Variants in TARS1 observed in about 807,000 individuals in gnomAD.
The protein encoded by TARS1 is threonine--tRNA ligase 1, cytoplasmic.
TARS1 carries 57 observed loss-of-function variants against 97.7 expected under a neutral mutation model. The observed-to-expected ratio is 0.58, with a 90% CI of 0.47 to 0.73. The LOEUF (loss-of-function observed/expected upper bound fraction) is 0.73, where lower values mean the gene tolerates loss of function less well. Among genes scored for constraint, TARS1 ranks in the 30% least tolerant of loss-of-function variants. The pLI is 0.00. For synonymous variants in TARS1, 312 were observed against 293.7 expected (o/e 1.06, Z -0.64); for missense variants, 806 against 888.3 (o/e 0.91, Z 1.18).
Position 33,448,638 on chromosome 5 carries a change from A to G in TARS1, c.236A>G (p.Asp79Gly). ...ATTCTGGCAGAAAAGGCAGAAAAAG[A>G]TAGCAAGCCAATTAAAGTCACTTTG... ...DSILAEKAEK[D>G]SKPIKVTLPD... Residue 79 changes from aspartate to glycine, a missense_variant, in exon 3 of 19, where the codon GAT becomes GGT. Asp to Gly is a moderately conservative substitution (Grantham distance 94, BLOSUM62 -1). Coordinates refer to ENST00000265112, the MANE Select transcript of TARS1 (RefSeq NM_152295.5). 2 of 1,613,980 alleles carry G rather than the reference A, an allele frequency of 1.2e-6. No individual in the cohort carries two copies. Among genetic ancestry groups the G allele is most frequent in the Middle Eastern group, 1.7e-4 (1 of 6,058 alleles).
chr5:33,467,682 A>G lies in TARS1; in HGVS notation c.2146A>G (p.Ser716Gly). Residue 716 changes from serine (S) to glycine (G), a missense_variant, in exon 19 of 19, where the codon AGC becomes GGC. Physicochemically the swap from Ser to Gly is moderately conservative, Grantham distance 56. This residue lies in a region of TARS1 where 446 missense variants were observed against 511.0 expected (regional missense o/e 0.87). Transcript: ENST00000265112. ...ERLQQLKEFR[S>G]KQAEEEF The stretch of plus-strand genomic sequence containing the variant: ...GCTACAGCAGCTCAAAGAGTTCCGC[A>G]GCAAACAGGCAGAAGAAGAATTTTA... The G allele has an allele frequency of 6.2e-7, 1 of 1,613,218 alleles. No individual in the cohort carries two copies. The highest frequency in any genetic ancestry group is 8.5e-7 in the Non-Finnish European group (1 of 1,179,722).
intron 2 of TARS1, among the ~76,000 whole-genome samples, chr5:33,445,784 T>C (rs1038919963): frequency 1.3e-5 from 2 of 152,210 alleles, no homozygotes; most frequent in Non-Finnish European, 2.9e-5. Context: ...TTACACTGAA[T>C]ACAATGAAAA....
At chr5:33,453,468 C>A in intron 4 of TARS1, 56 bp downstream of exon 4, 2 of 1,603,522 alleles carry the variant, frequency 1.2e-6, no homozygotes, top group Non-Finnish European at 1.7e-6. Context: ...CATTTGAAGT[C>A]TTTTCCAGCT....
intron 2 of TARS1, among the ~76,000 whole-genome samples, chr5:33,448,039 C>A (rs1031143636): frequency 6.6e-6 from 1 of 152,192 alleles, no homozygotes; most frequent in Non-Finnish European, 1.5e-5. Flanking sequence ...TAATTACATA[C>A]TCCAAGCTGA....
chr5:33,460,024 C>A, intron 11 of TARS1, 163 bp downstream of exon 11: 1 of 662,936 alleles, frequency 1.5e-6, no homozygotes, highest in Non-Finnish European at 2.3e-6. Context: ...TGATTAGATC[C>A]CCACTTTTTT....
At chr5:33,445,947 A>G (rs1017179455) in intron 2 of TARS1, 18 of 154,026 alleles carry the variant, frequency 1.2e-4, no homozygotes, top group African/African-American at 4.3e-4. Flanking sequence ...AGGAACTGGC[A>G]TATCAAAAGC....
Position 33,440,988 on chromosome 5 carries a change from AG to A in TARS1, c.-97del, listed in dbSNP as rs1368879304. 1.5e-5 allele frequency: 22 copies of A among 1,497,406 alleles called. No individual in the cohort carries two copies. The highest frequency in any genetic ancestry group is 2.0e-5 in the Non-Finnish European group (22 of 1,084,366). 92.8% of individuals were successfully genotyped at this position (1,497,406 alleles called of 1,614,324 possible). ...TCGATTGCATCAGCTGGTCCAGCCG[AG>A]GCCAAGTCCCGGGCGCTAGCCCACC... On this transcript the variant is annotated 5_prime_UTR_variant, in exon 1 of 19. Transcript: ENST00000265112.
At chr5:33,456,335 G>A (rs1209792739) in intron 8 of TARS1, 108 bp downstream of exon 8, 1 of 904,534 alleles carries the variant, frequency 1.1e-6, no homozygotes, top group African/African-American at 1.7e-5. Context: ...TGAAAGGATG[G>A]TATTTTCTCA....
intron 1 of TARS1, among the ~76,000 whole-genome samples, chr5:33,442,320 C>CTTTTTTTTTTT (rs763508345): frequency 9.6e-5 from 10 of 104,596 alleles, no homozygotes; most frequent in South Asian, 3.4e-4. Context: ...TGTTTTGTAA[C>CTTTTTTTTTTT]TTTTTTTTTT....
chr5:33,466,391 TA>T (rs1030487562), intron 17 of TARS1, among the ~76,000 whole-genome samples: 28 of 149,336 alleles, frequency 1.9e-4, no homozygotes, highest in Non-Finnish European at 3.1e-4. Flanking sequence ...ATAACCTGAT[TA>T]AAAAAAAAAA....
rs1210129342 is a variant in TARS1 at position 33,461,925 on chromosome 5, A to G, written c.1649A>G (p.Asp550Gly). 1.2e-6 allele frequency: 2 copies of G among 1,613,858 alleles called. No individual in the cohort carries two copies. Among genetic ancestry groups the G allele is most frequent in the South Asian group, 1.1e-5 (1 of 91,088 alleles). ...TCTTAGATTGACATACAGATTAAAG[A>G]TGCGATTGGGCGGTACCACCAGTGT... Reference protein sequence around the residue: ...YGPKIDIQIKDAIGRYHQCAT... With the variant: ...YGPKIDIQIKGAIGRYHQCAT... Residue 550 changes from aspartate (D) to glycine (G), a missense_variant, in exon 15 of 19, where the codon GAT (aspartate) becomes GGT (glycine). Asp to Gly is a moderately conservative substitution (Grantham distance 94, BLOSUM62 -1). Coordinates refer to ENST00000265112, the MANE Select transcript of TARS1 (RefSeq NM_152295.5).
intron 14 of TARS1, 60 bp downstream of exon 14, chr5:33,461,804 C>G (rs1742306013): frequency 6.3e-7 from 1 of 1,595,140 alleles, no homozygotes; most frequent in Non-Finnish European, 8.6e-7. Context: ...GAAGATACGA[C>G]TTCGAAAAAA....
chr5:33,465,566 G>A (rs150444528), intron 17 of TARS1, among the ~76,000 whole-genome samples: 13 of 152,174 alleles, frequency 8.5e-5, no homozygotes, highest in African/African-American at 3.1e-4. Context: ...TGAAGATGTA[G>A]ACCTATCTTG....
rs1376684410 is a variant in TARS1, at chr5:33,453,367, T to C, written c.408T>C (p.Asp136=). 1.9e-6 allele frequency: 3 copies of C among 1,613,412 alleles called. No individual in the cohort carries two copies. Among genetic ancestry groups the C allele is most frequent in the Admixed American group, 1.7e-5 (1 of 59,916 alleles). Residue 136 remains aspartate, a synonymous_variant, in exon 4 of 19, where the codon GAT becomes GAC. Coordinates refer to ENST00000265112, the MANE Select transcript of TARS1 (RefSeq NM_152295.5). ...ACCTGGACCGCCCTCTGGAAGAAGA[T>C]TGTACCTTGGAGCTTCTCAAGTTTG... is the stretch of plus-strand genomic sequence containing the variant. ...VWDLDRPLEE[D]CTLELLKFED...
At chr5:33,443,435 C>T (rs1347020358) in intron 1 of TARS1, among the ~76,000 whole-genome samples, 3 of 147,666 alleles carry the variant, frequency 2.0e-5, no homozygotes, top group Non-Finnish European at 3.0e-5. Flanking sequence ...ATTTTATCAT[C>T]TTTCCATTTT....
At chr5:33,440,725 G>C (rs952475656), upstream of TARS1, 6 of 445,514 alleles carry the variant, frequency 1.3e-5, no homozygotes, top group Non-Finnish European at 2.4e-5. Flanking sequence ...TCAGAAGGGA[G>C]GAAAGGCGCA....
At chr5:33,460,762 G>A (rs1170777904) in intron 11 of TARS1, 140 bp from the exon 12 acceptor site, 16 of 953,366 alleles carry the variant, frequency 1.7e-5, no homozygotes, top group East Asian at 2.6e-5. Context: ...ACTGCTGTAT[G>A]TAGCCCAGAA....
Position 33,448,673 on chromosome 5 carries a change from A to G in TARS1, c.271A>G (p.Lys91Glu). ...KPIKVTLPDG[K>E]QVDAESWKTT... The stretch of plus-strand genomic sequence containing the variant: ...AATTAAAGTCACTTTGCCTGATGGT[A>G]AACAGGTTGATGCGGAATCTTGGAA... Residue 91 changes from lysine (K) to glutamate (E), a missense_variant, in exon 3 of 19, where the codon AAA (lysine) becomes GAA (glutamate). Lys to Glu is a moderately conservative substitution (Grantham distance 56). Transcript: ENST00000265112. 6.2e-7 allele frequency: 1 copy of G among 1,613,942 alleles called. No individual in the cohort carries two copies. The highest frequency in any genetic ancestry group is 8.5e-7 in the Non-Finnish European group (1 of 1,179,900).
At chr5:33,440,721 GGGA>G (rs1741031961), upstream of TARS1, 2 of 442,674 alleles carry the variant, frequency 4.5e-6, no homozygotes, top group Non-Finnish European at 8.0e-6. Context: ...AAAGTCAGAA[GGGA>G]GGAAAGGCGC....
Sources: gnomAD v4.1 joint callset for allele counts (sites outside exome capture counted in the v4.1 genomes callset) on GRCh38, gnomAD v4.1.1 for gene constraint, gnomAD v4.1.1 regional missense constraint, MANE v1.5 for transcripts, NCBI Gene and HGNC (gene_info 2026-07-23, HGNC 2026-07-21) for gene names.